Variants in TERT observed in about 807,000 individuals in gnomAD.
TERT encodes the protein telomerase reverse transcriptase.
A neutral mutation model predicts 104.0 loss-of-function variants in TERT; 42 were observed. The ratio of observed to expected loss-of-function variants is 0.40; its 90% CI spans 0.32 to 0.52. The LOEUF (loss-of-function observed/expected upper bound fraction) is 0.52, where lower values mean the gene tolerates loss of function less well. Among genes scored for constraint, TERT ranks in the 20% least tolerant of loss-of-function variants. The pLI is 0.43. For synonymous variants in TERT, 781 were observed against 725.6 expected, an observed-to-expected ratio of 1.08 and a Z score of -1.23; for missense variants, 1,101 against 1,610.3, an observed-to-expected ratio of 0.68 and a Z score of 5.41.
Position 1,279,156 on chromosome 5 carries a change from T to A in TERT, c.2130+135A>T, listed in dbSNP as rs572264986. The A allele has an allele frequency of 4.0e-5, 41 of 1,026,180 alleles. No individual in the cohort carries two copies. In the South Asian group the frequency reaches 6.1e-4, roughly 15 times the overall value. 63.6% of individuals were successfully genotyped at this position (1,026,180 alleles called of 1,614,324 possible). A position where few individuals can be genotyped will look rare whatever the true frequency, so the allele number is the denominator to read the frequency against. On this transcript the variant is annotated intron_variant, in intron 5 of 15. Coordinates refer to ENST00000310581, the MANE Select transcript of TERT (RefSeq NM_198253.3). The stretch of plus-strand genomic sequence containing the variant: ...GCCTCCACCCTAGGTGCCAGGTGTG[T>A]CCTCAACAGTGACAGGGTCACCTGC...
At chr5:1,264,925 C>G (rs1433197594) in intron 10 of TERT, among the ~76,000 whole-genome samples, 1 of 152,242 alleles carries the variant, frequency 6.6e-6, no homozygotes, top group African/African-American at 2.4e-5. Context: ...CCGTTATAGA[C>G]TCATCTGTGG....
chr5:1,294,118 C>T lies in TERT; in HGVS notation c.768G>A (p.Trp256Ter). The part of the protein sequence containing the change: ...PERTPVGQGS[W>*]AHPGRTRGPS... The stretch of plus-strand genomic sequence containing the variant: ...GTCCACGCGTCCTGCCCGGGTGGGC[C>T]CAGGACCCCTGCCCAACGGGCGTCC... Residue 256 changes from tryptophan to a stop codon, truncating the protein, a stop_gained, in exon 2 of 16, where the codon TGG (tryptophan) becomes TGA (stop). Coordinates refer to ENST00000310581, the MANE Select transcript of TERT (RefSeq NM_198253.3). LOFTEE classifies it high-confidence loss of function. 6.3e-7 allele frequency: 1 copy of T among 1,584,334 alleles called. No homozygotes were observed. Among genetic ancestry groups the T allele is most frequent in the Non-Finnish European group, 8.6e-7 (1 of 1,167,782 alleles).
chr5:1,267,382 G>A (rs11956330), intron 9 of TERT, among the ~76,000 whole-genome samples: 3,308 of 152,296 alleles, frequency 0.022, 105 homozygotes, highest in African/African-American at 0.075. Context: ...TTACACTGTT[G>A]GTGGGAGTGT....
rs954582292 is a variant in TERT at position 1,286,350 on chromosome 5, C to T, written c.1574-3726G>A. On this transcript the variant is annotated intron_variant, in intron 2 of 15. Transcript: ENST00000310581. This position sits in a 1 kb window ranked among gnomAD's most constrained non-coding sequence, Gnocchi z 5.3. ...GGGACCCCAGACGGCGGGCCTGAGA[C>T]AGAAGACAGACGGGGAACAAAGGAG... Among the ~76,000 whole-genome samples, 1 of 152,174 alleles carries T rather than the reference C, an allele frequency of 6.6e-6. No individual in the cohort carries two copies. The highest frequency in any genetic ancestry group is 1.9e-4 in the East Asian group (1 of 5,192).
At chr5:1,279,157 C>T in intron 5 of TERT, 134 bp downstream of exon 5, 1 of 1,054,690 alleles carries the variant, frequency 9.5e-7, no homozygotes, top group Non-Finnish European at 1.4e-6. Flanking sequence ...CCAGGTGTGT[C>T]CTCAACAGTG....
intron 2 of TERT, among the ~76,000 whole-genome samples, chr5:1,290,276 TGA>T (rs1750803860): frequency 1.5e-5 from 1 of 66,584 alleles, no homozygotes; most frequent in Non-Finnish European, 2.7e-5. Context: ...TCACTCACCC[TGA>T]ACGTGACAGG....
intron 5 of TERT, 37 bp from the exon 6 acceptor site, chr5:1,278,833 C>G: frequency 6.2e-7 from 1 of 1,613,162 alleles, no homozygotes; most frequent in South Asian, 1.1e-5. Context: ...ACAGTGGCCA[C>G]GCAGAAACTC....
Position 1,266,495 on chromosome 5 carries a change from G to C in TERT, c.2623C>G (p.Pro875Ala). Reference sequence around the variant, plus strand: ...AAGGTTTTCGCGTGGGTGAGGTGAGGTGTCACCAACAAGAAATCATCCACC... The same window carrying C: ...AAGGTTTTCGCGTGGGTGAGGTGAGCTGTCACCAACAAGAAATCATCCACC... Reference protein sequence around the residue: ...RLVDDFLLVTPHLTHAKTFLR... With the variant: ...RLVDDFLLVTAHLTHAKTFLR... Residue 875 changes from proline to alanine, a missense_variant, in exon 10 of 16, where the codon CCT (proline) becomes GCT (alanine). Transcript: ENST00000310581. 6.2e-7 allele frequency: 1 copy of C among 1,610,706 alleles called. No homozygotes were observed. Among genetic ancestry groups the C allele is most frequent in the Non-Finnish European group, 8.5e-7 (1 of 1,178,530 alleles).
At position 1,255,584 on chromosome 5, in the gene TERT, TTG is replaced by T. The variant is rs963666264; in HGVS notation, c.3033-175_3033-174del. On this transcript the variant is annotated intron_variant, in intron 13 of 15. Coordinates refer to ENST00000310581, the MANE Select transcript of TERT (RefSeq NM_198253.3). The surrounding 1 kb of genome is among the most constrained non-coding windows in gnomAD (Gnocchi z 6.9). ...CATGCATGCATGTCTGTGTGTGTGC[TTG>T]TGTGTGCGAGTAGCTGCGTGTCTGT... Among the ~76,000 whole-genome samples the T allele has an allele frequency of 1.2e-4, 18 of 152,226 alleles. No homozygotes were observed. Among genetic ancestry groups the T allele is most frequent in the African/African-American group, 3.6e-4 (15 of 41,468 alleles).
In TERT at chr5:1,293,748, G is replaced by A. The variant is rs144756946; in HGVS notation, c.1138C>T (p.Pro380Ser). ...TGCCAGTAGCGCTGGGGCAGGCGGG[G>A]CAACCTGCGGGGAGTCCCTGGCATC... Reference protein sequence around the residue: ...PWMPGTPRRLPRLPQRYWQMR... With the variant: ...PWMPGTPRRLSRLPQRYWQMR... The change falls in exon 2 of 16, where the codon CCC becomes TCC. Residue 380 changes from proline (P) to serine (S), a missense_variant. Physicochemically the swap from Pro to Ser is moderately conservative, Grantham distance 74. Coordinates refer to ENST00000310581, the MANE Select transcript of TERT (RefSeq NM_198253.3). 288 of 1,562,232 alleles carry A rather than the reference G, an allele frequency of 1.8e-4. 3 individuals are homozygous for A. The East Asian group carries it at 4.5e-3, about 24-fold the overall frequency.
rs573307637 is a variant in TERT, at chr5:1,291,686, C to T, written c.1573+1627G>A. On this transcript the variant is annotated intron_variant, in intron 2 of 15. Transcript: ENST00000310581. The stretch of plus-strand genomic sequence containing the variant: ...TGCACGGGACAGGGACACCCGGGGG[C>T]CGCGCCTCACTCACCCTACACGTGA... Among the ~76,000 whole-genome samples, 771 of 144,352 alleles carry T rather than the reference C, an allele frequency of 5.3e-3. 5 individuals carry two copies. Among genetic ancestry groups the T allele is most frequent in the Middle Eastern group, 8.1e-3 (2 of 246 alleles). 94.7% of individuals were successfully genotyped at this position (144,352 alleles called of 152,430 possible).
intron 2 of TERT, among the ~76,000 whole-genome samples, chr5:1,291,033 G>A (rs1222256770): frequency 5.5e-5 from 6 of 109,188 alleles, no homozygotes; most frequent in East Asian, 2.8e-4. Context: ...CACTCACCCT[G>A]CACGGGACAG....
chr5:1,276,823 C>A (rs912232056), intron 6 of TERT, among the ~76,000 whole-genome samples: 3 of 152,226 alleles, frequency 2.0e-5, no homozygotes, highest in African/African-American at 7.2e-5. Flanking sequence ...CAGCTTTAGC[C>A]ACAAACAGCT....
intron 6 of TERT, among the ~76,000 whole-genome samples, chr5:1,273,639 G>A (rs1456781367): frequency 4.0e-5 from 1 of 24,764 alleles, no homozygotes; most frequent in Non-Finnish European, 7.6e-5. Flanking sequence ...TCAGACCCCC[G>A]GGACCAACCG....
rs1220227495 is a variant in TERT at position 1,294,517 on chromosome 5, C to T, written c.369G>A (p.Leu123=). Residue 123 remains leucine (L), a synonymous_variant, in exon 2 of 16, where the codon CTG becomes CTA. Transcript: ENST00000310581. ...EAFTTSVRSY[L]PNTVTDALRG... is the part of the protein sequence containing the mutation. The stretch of plus-strand genomic sequence containing the variant: ...GCAGTGCGTCGGTCACCGTGTTGGG[C>T]AGGTAGCTGCGCACGCTGGTGGTGA... 2 of 1,579,074 alleles carry T rather than the reference C, an allele frequency of 1.3e-6. No individual in the cohort carries two copies.
At position 1,255,443 on chromosome 5, in the gene TERT, G is replaced by A; in HGVS notation, c.3033-32C>T. 1 of 1,613,684 alleles carries A rather than the reference G, an allele frequency of 6.2e-7. No individual in the cohort carries two copies. The highest frequency in any genetic ancestry group is 8.5e-7 in the Non-Finnish European group (1 of 1,179,948). On this transcript the variant is annotated intron_variant, in intron 13 of 15. Transcript: ENST00000310581. The surrounding 1 kb of genome is among the most constrained non-coding windows in gnomAD (Gnocchi z 6.9). ...GGATGGCGGACAGCGTCAGAGGAAAGGCCTCCTAATCAGACGGTGCTCGTG... is the reference window on the plus strand; with the variant it reads ...GGATGGCGGACAGCGTCAGAGGAAAAGCCTCCTAATCAGACGGTGCTCGTG...
Position 1,292,892 on chromosome 5 carries a change from C to A in TERT, c.1573+421G>T, listed in dbSNP as rs539789139. Among the ~76,000 whole-genome samples, 1 of 152,334 alleles carries A rather than the reference C, an allele frequency of 6.6e-6. No homozygotes were observed. Among genetic ancestry groups the A allele is most frequent in the Admixed American group, 6.5e-5 (1 of 15,306 alleles). On this transcript the variant is annotated intron_variant, in intron 2 of 15. Coordinates refer to ENST00000310581, the MANE Select transcript of TERT (RefSeq NM_198253.3). This position sits in a 1 kb window ranked among gnomAD's most constrained non-coding sequence, Gnocchi z 5.5. Reference sequence around the variant, plus strand: ...ACCTGCAAAACCCTTACCTCCCACCCCCAGGAAGAGGGGGTTCTCGTCCCC... The same window carrying A: ...ACCTGCAAAACCCTTACCTCCCACCACCAGGAAGAGGGGGTTCTCGTCCCC...
At chr5:1,279,560 C>G in intron 4 of TERT, 90 bp from the exon 5 acceptor site, 2 of 1,283,750 alleles carry the variant, frequency 1.6e-6, no homozygotes, top group Non-Finnish European at 2.2e-6. Flanking sequence ...AGCAGCCCCT[C>G]CCCAGTGTCC....
Position 1,278,848 on chromosome 5 carries a change from A to G in TERT, c.2131-52T>C, listed in dbSNP as rs781242255. 10 of 1,611,528 alleles carry G rather than the reference A, an allele frequency of 6.2e-6. No individual in the cohort carries two copies. The African/African-American group carries it at 1.2e-4, about 19-fold the overall frequency. On this transcript the variant is annotated intron_variant, in intron 5 of 15. Coordinates refer to ENST00000310581, the MANE Select transcript of TERT (RefSeq NM_198253.3). The stretch of plus-strand genomic sequence containing the variant: ...ACAGTGGCCACGCAGAAACTCAGAC[A>G]TCACCTCTGCCCTCAGGGCCTGGCC...
Sources: allele counts gnomAD v4.1 joint callset (sites outside exome capture counted in the v4.1 genomes callset), GRCh38; gene constraint gnomAD v4.1.1; non-coding constraint Gnocchi (gnomAD v3.1); transcripts MANE v1.5; gene names NCBI Gene and HGNC (gene_info 2026-07-23, HGNC 2026-07-21).